Variants in TMEM132B observed in about 807,000 individuals in gnomAD.
TMEM132B encodes transmembrane protein 132B.
TMEM132B carries 18 observed loss-of-function variants against 90.8 expected under a neutral mutation model. The observed-to-expected ratio is 0.20, with a 90% confidence interval of 0.14 to 0.29. TMEM132B has a LOEUF of 0.29. TMEM132B is among the 10% of genes least tolerant of loss of function. The pLI is 1.00. For synonymous variants in TMEM132B, 504 were observed against 523.3 expected, an observed-to-expected ratio of 0.96 and a Z score of 0.50; for missense variants, 1,096 against 1,326.8, an observed-to-expected ratio of 0.83 and a Z score of 2.70.
intron 5 of TMEM132B, among the ~76,000 whole-genome samples, chr12:125,616,574 C>A (rs1885992931): frequency 6.6e-6 from 1 of 152,146 alleles, no homozygotes; most frequent in Non-Finnish European, 1.5e-5. Context: ...TCTACAGATG[C>A]AAATTTGCTC....
chr12:125,622,907 T>C (rs1000901289), intron 5 of TMEM132B, among the ~76,000 whole-genome samples: 1 of 152,192 alleles, frequency 6.6e-6, no homozygotes, highest in Non-Finnish European at 1.5e-5. Context: ...AAAACAAGTT[T>C]AGAAAACACA....
At chr12:125,293,757 A>T (rs1875601159) in intron 1 of TMEM132B, among the ~76,000 whole-genome samples, 1 of 152,188 alleles carries the variant, frequency 6.6e-6, no homozygotes, top group South Asian at 2.1e-4. Flanking sequence ...TTATTGCAGC[A>T]GTTTTAAAAA....
intron 2 of TMEM132B, among the ~76,000 whole-genome samples, chr12:125,410,928 GGAGT>G (rs1879780495): frequency 6.8e-5 from 1 of 14,746 alleles, no homozygotes; most frequent in Non-Finnish European, 1.3e-4. Flanking sequence ...GGAGTGGAGT[GGAGT>G]GAGTGGAGTG....
At chr12:125,495,791 C>G (rs1270100564) in intron 3 of TMEM132B, among the ~76,000 whole-genome samples, 1 of 152,192 alleles carries the variant, frequency 6.6e-6, no homozygotes, top group Non-Finnish European at 1.5e-5. Context: ...TAGACCATCC[C>G]TGTGATATCA....
At chr12:125,280,102 C>A (rs562439989) in intron 1 of TMEM132B, among the ~76,000 whole-genome samples, 8 of 152,306 alleles carry the variant, frequency 5.3e-5, no homozygotes, top group Non-Finnish European at 1.0e-4. Flanking sequence ...GAATGAAACT[C>A]CCAGGCTGCG....
chr12:125,477,947 C>A (rs910483003), intron 3 of TMEM132B, among the ~76,000 whole-genome samples: 20 of 152,178 alleles, frequency 1.3e-4, no homozygotes, highest in African/African-American at 4.8e-4. Context: ...GTTCTGCAGC[C>A]TCCACTGTTG....
At chr12:125,216,483 A>G (rs1173361170) in intron 1 of TMEM132B, among the ~76,000 whole-genome samples, 1 of 152,090 alleles carries the variant, frequency 6.6e-6, no homozygotes, top group Admixed American at 6.5e-5. Context: ...TCATTTTGTA[A>G]CACCTCTCTT....
At chr12:125,638,251 C>A (rs1886538374) in intron 5 of TMEM132B, among the ~76,000 whole-genome samples, 1 of 152,076 alleles carries the variant, frequency 6.6e-6, no homozygotes, top group African/African-American at 2.4e-5. Context: ...AATATAGAGA[C>A]AAAAATGTAA....
chr12:125,343,622 C>G lies in TMEM132B; in HGVS notation c.68-5830C>G, dbSNP rs145930938. 1.6e-4 allele frequency among the ~76,000 whole-genome samples: 25 copies of G among 152,348 alleles called. No homozygotes were observed. The East Asian group carries it at 4.2e-3, about 26-fold the overall frequency. ...ACCATGTTCAAATTGCTTAATTTCT[C>G]TGTGCCTCAGTTTCATAATTTTTTG... On this transcript the variant is annotated intron_variant, in intron 1 of 8. Coordinates refer to ENST00000682704, the MANE Select transcript of TMEM132B (RefSeq NM_001366854.1).
rs570389421 is a variant in TMEM132B at position 125,293,997 on chromosome 12, C to T, written c.68-55455C>T. On this transcript the variant is annotated intron_variant, in intron 1 of 8. Coordinates refer to ENST00000682704, the MANE Select transcript of TMEM132B (RefSeq NM_001366854.1). ...TGCTGTGAGGAAGCCCAAGCCACCC[C>T]GTTTGACAGCTGAACCCAGCCTTGC... is the stretch of plus-strand genomic sequence containing the variant. Among the ~76,000 whole-genome samples, 5 of 152,348 alleles carry T rather than the reference C, an allele frequency of 3.3e-5. No homozygotes were observed. In the East Asian group the frequency reaches 5.8e-4, roughly 18 times the overall value.
intron 4 of TMEM132B, among the ~76,000 whole-genome samples, chr12:125,560,872 A>G (rs186623801): frequency 0.052 from 7,606 of 147,578 alleles, 241 homozygotes; most frequent in African/African-American, 0.094. Context: ...TCAGGAAACA[A>G]CAGATGCTGG....
chr12:125,594,141 A>G (rs1371957231), intron 5 of TMEM132B, among the ~76,000 whole-genome samples: 2 of 152,180 alleles, frequency 1.3e-5, no homozygotes, highest in Non-Finnish European at 2.9e-5. Context: ...TCTGAGGCAA[A>G]TAGAATCATA....
chr12:125,369,290 G>A (rs777969853), intron 2 of TMEM132B, among the ~76,000 whole-genome samples: 7 of 152,176 alleles, frequency 4.6e-5, no homozygotes, highest in Non-Finnish European at 8.8e-5. Flanking sequence ...ATTTGGGTTG[G>A]TTCCAAGTTT....
intron 3 of TMEM132B, among the ~76,000 whole-genome samples, chr12:125,504,359 CTG>C (rs372435447): frequency 5.9e-4 from 90 of 152,228 alleles, no homozygotes; most frequent in Middle Eastern, 3.4e-3. Context: ...AGGTGTTTGT[CTG>C]TCTCTCTTCC....
intron 5 of TMEM132B, among the ~76,000 whole-genome samples, chr12:125,637,837 G>T (rs949869257): frequency 1.3e-5 from 2 of 152,188 alleles, no homozygotes; most frequent in Admixed American, 1.3e-4. Flanking sequence ...CACATCAGTG[G>T]TTGCCTGGGG....
intron 3 of TMEM132B, among the ~76,000 whole-genome samples, chr12:125,437,045 T>G (rs944169849): frequency 5.3e-5 from 8 of 152,166 alleles, no homozygotes; most frequent in Admixed American, 4.6e-4. Flanking sequence ...TACCACACCC[T>G]TGTTTAGCTG....
In TMEM132B at chr12:125,654,934, A is replaced by G. The variant is rs1346762174; in HGVS notation, c.*224A>G. 9.4e-6 allele frequency: 5 copies of G among 531,252 alleles called. No homozygotes were observed. Among genetic ancestry groups the G allele is most frequent in the Non-Finnish European group, 1.7e-5 (5 of 302,828 alleles). The allele number at this position is 531,252 out of a possible 1,614,324, so 32.9% of individuals were successfully genotyped here. A position where few individuals can be genotyped will look rare whatever the true frequency, so the allele number is the denominator to read the frequency against. On this transcript the variant is annotated 3_prime_UTR_variant, in exon 9 of 9. Transcript: ENST00000682704. This position sits in a 1 kb window ranked among gnomAD's most constrained non-coding sequence, Gnocchi z 5.8. ...CACATGTGGGGACTGGAGAAATTCT[A>G]AGACAACAGTTTTATGGACTGCCTG... is the stretch of plus-strand genomic sequence containing the variant.
chr12:125,521,734 G>A (rs948170826), intron 4 of TMEM132B, among the ~76,000 whole-genome samples: 4 of 152,206 alleles, frequency 2.6e-5, no homozygotes, highest in African/African-American at 9.6e-5. Flanking sequence ...CAACTGTTGC[G>A]AAGGATGCTA....
chr12:125,571,613 C>T (rs749882547), intron 4 of TMEM132B, among the ~76,000 whole-genome samples: 3 of 152,184 alleles, frequency 2.0e-5, no homozygotes, highest in East Asian at 1.9e-4. Context: ...ATCTCTGTTG[C>T]CTGTTCTCTT....
Sources: allele counts gnomAD v4.1 joint callset (sites outside exome capture counted in the v4.1 genomes callset), GRCh38; gene constraint gnomAD v4.1.1; non-coding constraint Gnocchi (gnomAD v3.1); transcripts MANE v1.5; gene names NCBI Gene and HGNC (gene_info 2026-07-23, HGNC 2026-07-21).